The following RYR3 variants were observed in gnomAD, a reference collection of about 807,000 sequenced individuals.
RYR3 encodes ryanodine receptor 3.
Under a neutral mutation model 584.3 loss-of-function variants are expected in RYR3, and 207 were observed. That is an observed-to-expected ratio of 0.35 (90% CI 0.32 to 0.40). RYR3 has a LOEUF of 0.40. Among genes scored for constraint, RYR3 ranks in the 10% least tolerant of loss-of-function variants. RYR3 has a pLI of 1.00. For synonymous variants in RYR3, 2,416 were observed against 2,248.5 expected, an observed-to-expected ratio of 1.07 and a Z score of -2.11; for missense variants, 5,616 against 6,089.2, an observed-to-expected ratio of 0.92 and a Z score of 2.59.
intron 12 of RYR3, 110 bp from the exon 13 acceptor site, chr15:33,579,866 A>C: frequency 1.5e-6 from 1 of 677,198 alleles, no homozygotes; most frequent in Non-Finnish European, 2.3e-6. Context: ...CGCCCAAGGA[A>C]GCAACTCATG....
Position 33,650,454 on chromosome 15 carries a change from G to A in RYR3, c.4142+1219G>A, listed in dbSNP as rs116707128. Reference sequence around the variant, plus strand: ...TTCTTAGGGGTATGACATTGGACCCGTCACTTAACCTCCCTGGGCCTCGAT... The same window carrying A: ...TTCTTAGGGGTATGACATTGGACCCATCACTTAACCTCCCTGGGCCTCGAT... On this transcript the variant is annotated intron_variant, in intron 31 of 103. Transcript: ENST00000634891. Among the ~76,000 whole-genome samples the A allele has an allele frequency of 4.1e-3, 623 of 152,276 alleles. 6 individuals are homozygous for A. The highest frequency in any genetic ancestry group is 0.014 in the African/African-American group (582 of 41,564).
At chr15:33,644,245 A>G (rs905281347) in intron 27 of RYR3, 66 bp from the exon 28 acceptor site, 2 of 1,278,120 alleles carry the variant, frequency 1.6e-6, no homozygotes, top group African/African-American at 1.5e-5. Flanking sequence ...GCAAAGATTC[A>G]GCTGCCTCGG....
intron 5 of RYR3, 66 bp from the exon 6 acceptor site, chr15:33,539,283 AC>A (rs2055602256): frequency 7.0e-6 from 7 of 1,006,078 alleles, no homozygotes; most frequent in Non-Finnish European, 1.1e-5. Context: ...AGGAAGGAGA[AC>A]AAGGAGCAAA....
chr15:33,617,671 G>C (rs2060521187), intron 19 of RYR3, among the ~76,000 whole-genome samples: 1 of 151,978 alleles, frequency 6.6e-6, no homozygotes, highest in Non-Finnish European at 1.5e-5. Flanking sequence ...GGTCTTTACT[G>C]AGATCCTTGT....
intron 43 of RYR3, among the ~76,000 whole-genome samples, chr15:33,714,346 T>A (rs939662583): frequency 6.6e-6 from 1 of 152,256 alleles, no homozygotes; most frequent in Non-Finnish European, 1.5e-5. Context: ...TATTATTTCT[T>A]AATGTTTGTA....
intron 73 of RYR3, among the ~76,000 whole-genome samples, 165 bp from the exon 74 acceptor site, chr15:33,813,302 C>T (rs1402993594): frequency 6.6e-6 from 1 of 152,160 alleles, no homozygotes; most frequent in Admixed American, 6.5e-5. Flanking sequence ...AAGAGGAAAA[C>T]CTAAGACTTT....
chr15:33,312,724 A>G lies in RYR3; in HGVS notation c.51+1628A>G, dbSNP rs112223246. The stretch of plus-strand genomic sequence containing the variant: ...TATTGCTTGAAAAAATTATCTTCAG[A>G]CAGGGTCAGTGTTGAATAGATGTCC... On this transcript the variant is annotated intron_variant, in intron 1 of 103. Transcript: ENST00000634891. 6.1e-3 allele frequency among the ~76,000 whole-genome samples: 930 copies of G among 152,306 alleles called. 9 individuals carry two copies. Among genetic ancestry groups the G allele is most frequent in the African/African-American group, 0.021 (891 of 41,576 alleles).
In RYR3 at chr15:33,734,182, C is replaced by CTA. The variant is rs1567052249; in HGVS notation, c.7425-2053_7425-2052insTA. 2.6e-5 allele frequency among the ~76,000 whole-genome samples: 4 copies of CTA among 151,730 alleles called. No individual in the cohort carries two copies. The East Asian group carries it at 7.7e-4, about 29-fold the overall frequency. The stretch of plus-strand genomic sequence containing the variant: ...GGTTTTCTCCCAGAGATCTCCTTCC[C>CTA]AAACCAGGCCTAATATTATGTTACT... On this transcript the variant is annotated intron_variant, in intron 48 of 103. Transcript: ENST00000634891.
chr15:33,402,265 A>G lies in RYR3; in HGVS notation c.52-71154A>G, dbSNP rs1321769673. On this transcript the variant is annotated intron_variant, in intron 1 of 103. Coordinates refer to ENST00000634891, the MANE Select transcript of RYR3 (RefSeq NM_001036.6). ...CATCTGTGGTTGATTCATTTACAAG[A>G]GTGTTCCTGATAGAATTGGGAGACT... Among the ~76,000 whole-genome samples the G allele has an allele frequency of 2.0e-5, 3 of 152,330 alleles. No homozygotes were observed. In the East Asian group the frequency reaches 5.8e-4, roughly 29 times the overall value.
chr15:33,382,318 G>GATTT (rs1567133176), intron 1 of RYR3, among the ~76,000 whole-genome samples: 1 of 103,266 alleles, frequency 9.7e-6, no homozygotes, highest in Non-Finnish European at 1.8e-5. Flanking sequence ...TTTAAAAGTG[G>GATTT]CTTTTTTTTT....
rs1318737894 is a variant in RYR3 at position 33,842,048 on chromosome 15, A to T, written c.13209+13A>T. ...GACCAAGTTACTGGTAAGCATTCCA[A>T]CCTTGGCCCTGTTCATGGTGCAGGG... On this transcript the variant is annotated intron_variant, in intron 91 of 103. Coordinates refer to ENST00000634891, the MANE Select transcript of RYR3 (RefSeq NM_001036.6). The T allele has an allele frequency of 6.3e-7, 1 of 1,591,612 alleles. No homozygotes were observed. The highest frequency in any genetic ancestry group is 1.3e-5 in the African/African-American group (1 of 74,670).
chr15:33,600,355 G>A (rs547223139), intron 16 of RYR3, among the ~76,000 whole-genome samples: 21 of 152,190 alleles, frequency 1.4e-4, no homozygotes, highest in East Asian at 5.8e-4. Flanking sequence ...CTCTGTTGGC[G>A]CAACCTGCCA....
chr15:33,766,288 G>GAAAAA (rs66478931), intron 60 of RYR3, among the ~76,000 whole-genome samples: 3 of 134,062 alleles, frequency 2.2e-5, no homozygotes, highest in South Asian at 2.3e-4. Context: ...ACCTCAAAAA[G>GAAAAA]AAAAAAAAAA....
chr15:33,527,458 T>C (rs944123375), intron 3 of RYR3, among the ~76,000 whole-genome samples: 9 of 151,800 alleles, frequency 5.9e-5, no homozygotes, highest in Non-Finnish European at 1.3e-4. Context: ...TGCACACCAG[T>C]AATCTCAACT....
chr15:33,557,569 G>T (rs1036703069), intron 10 of RYR3, among the ~76,000 whole-genome samples: 2 of 152,062 alleles, frequency 1.3e-5, no homozygotes, highest in Non-Finnish European at 2.9e-5. Flanking sequence ...ATTTTTAGTA[G>T]AGATGGGGTT....
chr15:33,838,048 A>G lies in RYR3; in HGVS notation c.12068A>G (p.Asn4023Ser). 3 of 1,614,020 alleles carry G rather than the reference A, an allele frequency of 1.9e-6. No individual in the cohort carries two copies. Among genetic ancestry groups the G allele is most frequent in the Non-Finnish European group, 2.5e-6 (3 of 1,179,902 alleles). Reference protein sequence around the residue: ...CLLDPAESVLNYFEPYLGRIE... With the variant: ...CLLDPAESVLSYFEPYLGRIE... The stretch of plus-strand genomic sequence containing the variant: ...TTGGACCCAGCAGAAAGTGTGCTAA[A>G]TTACTTCGAACCCTACCTAGGACGC... Residue 4023 changes from asparagine to serine, a missense_variant, in exon 89 of 104, where the codon AAT becomes AGT. This residue lies in a region of RYR3 where 258 missense variants were observed against 297.3 expected (regional missense o/e 0.87). Transcript: ENST00000634891.
chr15:33,813,946 G>A (rs1343880819), intron 74 of RYR3, among the ~76,000 whole-genome samples: 1 of 152,174 alleles, frequency 6.6e-6, no homozygotes, highest in African/African-American at 2.4e-5. Flanking sequence ...TCCATCAACA[G>A]TTCCAATAGT....
intron 102 of RYR3, among the ~76,000 whole-genome samples, chr15:33,861,905 G>C (rs1888379507): frequency 6.6e-6 from 1 of 152,044 alleles, no homozygotes; most frequent in Non-Finnish European, 1.5e-5. Flanking sequence ...TTACAGGTGT[G>C]AGCCACTGTG....
chr15:33,580,912 T>C (rs570575615), intron 13 of RYR3, among the ~76,000 whole-genome samples: 11 of 152,252 alleles, frequency 7.2e-5, no homozygotes, highest in African/African-American at 2.6e-4. Context: ...CCATTTACCA[T>C]CTCCCTCCCA....
Sources: gnomAD v4.1 joint callset for allele counts (sites outside exome capture counted in the v4.1 genomes callset) on GRCh38, gnomAD v4.1.1 for gene constraint, gnomAD v4.1.1 regional missense constraint, MANE v1.5 for transcripts, NCBI Gene and HGNC (gene_info 2026-07-23, HGNC 2026-07-21) for gene names.